PCLO: variants seen among roughly 807,000 people sequenced by gnomAD.
PCLO encodes protein piccolo.
Under a neutral mutation model 427.5 loss-of-function variants are expected in PCLO, and 82 were observed. The ratio of observed to expected loss-of-function variants is 0.19; its 90% CI spans 0.16 to 0.23. PCLO has a LOEUF of 0.23. Among genes scored for constraint, PCLO ranks in the 10% least tolerant of loss-of-function variants. The pLI is 1.00. For synonymous variants in PCLO, 2,357 were observed against 2,155.4 expected (o/e 1.09, Z -2.59); for missense variants, 6,239 against 6,115.9 (o/e 1.02, Z -0.67).
intron 3 of PCLO, among the ~76,000 whole-genome samples, chr7:83,113,658 GT>G (rs748384891): frequency 1.6e-4 from 25 of 152,210 alleles, no homozygotes; most frequent in Admixed American, 3.9e-4. Context: ...AGCATCTACT[GT>G]ATGCTAAGCA....
intron 3 of PCLO, among the ~76,000 whole-genome samples, chr7:83,127,526 A>G (rs1240241102): frequency 6.6e-6 from 1 of 152,164 alleles, no homozygotes; most frequent in Non-Finnish European, 1.5e-5. Context: ...GGATTGTAAT[A>G]AGAAAGAATA....
rs1471214929 is a variant in PCLO, at chr7:82,761,450, C to T, written c.15051G>A (p.Lys5017=). 1 of 1,595,936 alleles carries T rather than the reference C, an allele frequency of 6.3e-7. No homozygotes were observed. Residue 5017 remains lysine, a synonymous_variant, in exon 23 of 25, where the codon AAG becomes AAA. Coordinates refer to ENST00000333891, the MANE Select transcript of PCLO (RefSeq NM_033026.6). ...VMGEIKIALK[K]EMKTDGEQLI... Reference sequence around the variant, plus strand: ...GTTGTTCACCATCTGTCTTCATTTCCTTCTTCAATGCAATCTTGATTTCTC... The same window carrying T: ...GTTGTTCACCATCTGTCTTCATTTCTTTCTTCAATGCAATCTTGATTTCTC...
At chr7:82,860,149 A>C (rs1792916151) in intron 10 of PCLO, among the ~76,000 whole-genome samples, 1 of 152,172 alleles carries the variant, frequency 6.6e-6, no homozygotes, top group African/African-American at 2.4e-5. Flanking sequence ...ATTGGGGTAG[A>C]AAGTTTATTC....
Position 82,805,710 on chromosome 7 carries a change from T to G in PCLO, c.14911A>C (p.Asn4971His). The G allele has an allele frequency of 1.2e-6, 2 of 1,612,978 alleles. No individual in the cohort carries two copies. Among genetic ancestry groups the G allele is most frequent in the Non-Finnish European group, 1.7e-6 (2 of 1,179,480 alleles). The change falls in exon 21 of 25, where the codon AAT becomes CAT. Residue 4971 changes from asparagine to histidine, a missense_variant. Transcript: ENST00000333891. ...EGSSSTAGET[N>H]LFPIPRIGKM... is the part of the protein sequence containing the mutation. ...TACATCCTCGGAATAGGAAATAGAT[T>G]AGTCTCCCCTGCAGTGCTGCTGCTT... is the stretch of plus-strand genomic sequence containing the variant.
intron 2 of PCLO, among the ~76,000 whole-genome samples, chr7:83,142,547 T>C (rs1026517490): frequency 2.0e-5 from 3 of 152,236 alleles, no homozygotes; most frequent in East Asian, 1.9e-4. Context: ...GAACATCTGC[T>C]GTTTTTCAAC....
At chr7:83,117,236 C>A (rs896204733) in intron 3 of PCLO, among the ~76,000 whole-genome samples, 2 of 152,126 alleles carry the variant, frequency 1.3e-5, no homozygotes, top group Non-Finnish European at 2.9e-5. Flanking sequence ...GAGAAGTAGT[C>A]CTTCTTCAGA....
chr7:82,890,965 T>G (rs545092810), intron 9 of PCLO, among the ~76,000 whole-genome samples: 2 of 152,114 alleles, frequency 1.3e-5, no homozygotes, highest in Non-Finnish European at 2.9e-5. Context: ...TTATTTTCTT[T>G]GGATTTTTGC....
At chr7:83,110,954 C>G (rs1027074854) in intron 3 of PCLO, among the ~76,000 whole-genome samples, 3 of 152,148 alleles carry the variant, frequency 2.0e-5, no homozygotes, top group African/African-American at 7.2e-5. Context: ...CTTCTTATTA[C>G]TATCCCAAAT....
At chr7:82,839,989 C>T (rs1474450158) in intron 14 of PCLO, among the ~76,000 whole-genome samples, 2 of 151,954 alleles carry the variant, frequency 1.3e-5, no homozygotes, top group Non-Finnish European at 2.9e-5. Context: ...ATTTCAACTA[C>T]AGAATTACAT....
Position 82,951,170 on chromosome 7 carries a change from G to A in PCLO, c.9418C>T (p.Pro3140Ser). The A allele has an allele frequency of 1.2e-6, 2 of 1,613,568 alleles. No individual in the cohort carries two copies. Among genetic ancestry groups the A allele is most frequent in the Non-Finnish European group, 1.7e-6 (2 of 1,179,662 alleles). ...LPAMHHSQPM[P>S]RSYFITTGAS... ...CCTGTTGTTATAAAATATGATCTAG[G>A]CATTGGCTGGCTATGGTGCATGGCA... Residue 3140 changes from proline to serine, a missense_variant, in exon 6 of 25, where the codon CCT becomes TCT. Transcript: ENST00000333891.
At chr7:82,910,294 C>T (rs574037225) in intron 7 of PCLO, among the ~76,000 whole-genome samples, 1 of 152,186 alleles carries the variant, frequency 6.6e-6, no homozygotes, top group East Asian at 1.9e-4. Context: ...TCCCCTAGGC[C>T]ATTTCCATCA....
Position 83,155,783 on chromosome 7 carries a change from T to G in PCLO, c.858A>C (p.Ala286=), listed in dbSNP as rs61741653. The G allele has an allele frequency of 0.052, 84,140 of 1,613,910 alleles. 2,528 individuals are homozygous for G. The highest frequency in any genetic ancestry group is 0.062 in the Non-Finnish European group (72,778 of 1,179,822). Residue 286 remains alanine (A), a synonymous_variant, in exon 2 of 25, where the codon GCA becomes GCC. Transcript: ENST00000333891. ...TAACTGATTCTCCCCTTACTATGTC[T>G]GCCTGTTTAGTCTGAGGCCTGGATG... The part of the protein sequence containing the change: ...RDASRPQTKQ[A]DIVRGESVKP...
At position 82,914,641 on chromosome 7, in the gene PCLO, A is replaced by G. The variant is rs915912338; in HGVS notation, c.13300+45T>C. 4 of 1,584,482 alleles carry G rather than the reference A, an allele frequency of 2.5e-6. No individual in the cohort carries two copies. In the African/African-American group the frequency reaches 5.4e-5, roughly 21 times the overall value. ...GAAATTAAACATGCAGAAAAATAAG[A>G]GTTTGAGTTTTGAGAGTAACAGGGT... On this transcript the variant is annotated intron_variant, in intron 7 of 24. Transcript: ENST00000333891.
At chr7:83,130,691 A>G (rs929962528) in intron 3 of PCLO, among the ~76,000 whole-genome samples, 2 of 152,334 alleles carry the variant, frequency 1.3e-5, no homozygotes, top group East Asian at 3.9e-4. Context: ...AAAATGCAGG[A>G]TATCTCCACT....
intron 3 of PCLO, among the ~76,000 whole-genome samples, chr7:83,025,002 G>GA (rs1788452940): frequency 6.6e-6 from 1 of 152,044 alleles, no homozygotes; most frequent in African/African-American, 2.4e-5. Context: ...CAAAGATGGG[G>GA]AAAAAACAGA....
intron 20 of PCLO, among the ~76,000 whole-genome samples, chr7:82,813,708 T>G (rs942331045): frequency 6.6e-6 from 1 of 151,836 alleles, no homozygotes; most frequent in African/African-American, 2.4e-5. Flanking sequence ...TTATTTGCAC[T>G]AAAAATAATA....
intron 10 of PCLO, among the ~76,000 whole-genome samples, chr7:82,849,191 A>G (rs1792583918): frequency 6.6e-6 from 1 of 152,150 alleles, no homozygotes; most frequent in Non-Finnish European, 1.5e-5. Flanking sequence ...TTCATTCTTC[A>G]CATCCCAAAA....
intron 8 of PCLO, among the ~76,000 whole-genome samples, chr7:82,904,887 CAT>C (rs1794148350): frequency 1.3e-5 from 2 of 152,020 alleles, no homozygotes; most frequent in Admixed American, 1.3e-4. Flanking sequence ...CAAGCAGCTT[CAT>C]AAATCCACTT....
At chr7:83,150,209 C>CG (rs1792095003) in intron 2 of PCLO, among the ~76,000 whole-genome samples, 1 of 152,100 alleles carries the variant, frequency 6.6e-6, no homozygotes, top group Non-Finnish European at 1.5e-5. Context: ...AGTAAATCAA[C>CG]GAAAACAATA....
Sources: gnomAD v4.1 joint callset for allele counts (sites outside exome capture counted in the v4.1 genomes callset) on GRCh38, gnomAD v4.1.1 for gene constraint, MANE v1.5 for transcripts, NCBI Gene and HGNC (gene_info 2026-07-23, HGNC 2026-07-21) for gene names.